Variants in NR5A2 observed in about 807,000 individuals in gnomAD.
NR5A2 encodes CYP7A promoter-binding factor.
In NR5A2, 26 loss-of-function variants were observed where a neutral mutation model predicts 62.7. That is an observed-to-expected ratio of 0.41 (90% CI 0.30 to 0.58). The LOEUF is 0.58. Ranked by LOEUF, NR5A2 falls within the 20% of genes least tolerant of loss-of-function variation. The probability of loss-of-function intolerance (pLI) is 0.22; values close to 1 mark genes in which losing one functional copy is unlikely to be tolerated. For missense variants in NR5A2, 541 were observed against 669.1 expected (o/e 0.81, Z 2.11); for synonymous variants, 246 against 241.7 (o/e 1.02, Z -0.16).
chr1:200,063,231 G>A (rs1480239163), intron 5 of NR5A2, among the ~76,000 whole-genome samples: 3 of 151,976 alleles, frequency 2.0e-5, no homozygotes, highest in African/African-American at 7.3e-5. Flanking sequence ...TCACCATGTT[G>A]GTCAGGCTGG....
chr1:200,155,680 ATT>A (rs199968182), intron 7 of NR5A2, among the ~76,000 whole-genome samples: 1 of 146,378 alleles, frequency 6.8e-6, no homozygotes, highest in Non-Finnish European at 1.5e-5. Context: ...TAATAAAAAA[ATT>A]TTTTTTTTTT....
At chr1:200,063,174 C>G (rs1475405432) in intron 5 of NR5A2, among the ~76,000 whole-genome samples, 2 of 151,876 alleles carry the variant, frequency 1.3e-5, no homozygotes, top group African/African-American at 2.4e-5. Flanking sequence ...CAGGCGCATG[C>G]CACCACACCC....
Position 200,039,659 on chromosome 1 carries a change from T to G in NR5A2, c.66T>G (p.Gly22=), listed in dbSNP as rs1661962205. 3.1e-6 allele frequency: 5 copies of G among 1,611,180 alleles called. No individual in the cohort carries two copies. In the South Asian group the frequency reaches 5.5e-5, roughly 18 times the overall value. Residue 22 remains glycine, a splice_region_variant and synonymous_variant, in exon 2 of 8, where the codon GGT becomes GGG. Coordinates refer to ENST00000367362, the MANE Select transcript of NR5A2 (RefSeq NM_205860.3). This position sits in a 1 kb window ranked among gnomAD's most constrained non-coding sequence, Gnocchi z 5.1. Reference sequence around the variant, plus strand: ...TGAATCTGTGCTGCCCGTGTCCAGGTGCTGGGCTTCCGGACCGACACGGAT... The same window carrying G: ...TGAATCTGTGCTGCCCGTGTCCAGGGGCTGGGCTTCCGGACCGACACGGAT... ...ESLKHGLTPI[G]AGLPDRHGSP...
intron 7 of NR5A2, among the ~76,000 whole-genome samples, chr1:200,140,860 G>C (rs1366703995): frequency 6.6e-6 from 1 of 152,092 alleles, no homozygotes; most frequent in African/African-American, 2.4e-5. Context: ...CAGAAACCCA[G>C]TCTTTACTAA....
chr1:200,050,394 C>T (rs1448169333), intron 5 of NR5A2, among the ~76,000 whole-genome samples: 3 of 152,118 alleles, frequency 2.0e-5, no homozygotes, highest in African/African-American at 7.2e-5. Context: ...TCTTCATAGG[C>T]AGGTTGTTAG....
intron 5 of NR5A2, among the ~76,000 whole-genome samples, chr1:200,092,727 A>G (rs550522199): frequency 6.6e-6 from 1 of 152,216 alleles, no homozygotes; most frequent in East Asian, 1.9e-4. Context: ...TTTAAAATAA[A>G]TAAGTTGCTT....
intron 1 of NR5A2, chr1:200,038,592 C>T: frequency 1.4e-6 from 1 of 698,392 alleles, no homozygotes; most frequent in Non-Finnish European, 2.3e-6. Context: ...AAATTTTCTC[C>T]TTTCAATGGT....
chr1:200,033,090 A>T (rs116557817), intron 1 of NR5A2, among the ~76,000 whole-genome samples: 1 of 152,296 alleles, frequency 6.6e-6, no homozygotes, highest in African/African-American at 2.4e-5. Context: ...CACATCTGGG[A>T]GGACTGAGGT....
chr1:200,148,504 A>G (rs1667828747), intron 7 of NR5A2, among the ~76,000 whole-genome samples: 1 of 152,076 alleles, frequency 6.6e-6, no homozygotes, highest in South Asian at 2.1e-4. Context: ...TCCCCCCAAT[A>G]ATCTCACAAA....
chr1:200,031,470 G>A (rs904748534), intron 1 of NR5A2, among the ~76,000 whole-genome samples: 2 of 151,606 alleles, frequency 1.3e-5, no homozygotes, highest in African/African-American at 4.9e-5. Context: ...TGCTGTGATT[G>A]TGCCATTGAA....
At chr1:200,106,238 T>C (rs1284392364) in intron 5 of NR5A2, among the ~76,000 whole-genome samples, 2 of 152,090 alleles carry the variant, frequency 1.3e-5, no homozygotes, top group Non-Finnish European at 2.9e-5. Flanking sequence ...TTTGTATTTT[T>C]AGTAGAGACG....
intron 5 of NR5A2, among the ~76,000 whole-genome samples, chr1:200,065,759 A>G (rs571313656): frequency 6.6e-6 from 1 of 152,352 alleles, no homozygotes; most frequent in African/African-American, 2.4e-5. Context: ...GGTTCAGAGA[A>G]GACCAATGTG....
intron 7 of NR5A2, among the ~76,000 whole-genome samples, chr1:200,135,815 T>C (rs1447026131): frequency 6.6e-6 from 1 of 152,196 alleles, no homozygotes; most frequent in African/African-American, 2.4e-5. Context: ...TAAGTGATTA[T>C]TACTCAAAAC....
intron 5 of NR5A2, among the ~76,000 whole-genome samples, chr1:200,055,893 T>G (rs1468916348): frequency 6.6e-6 from 1 of 152,178 alleles, no homozygotes; most frequent in Non-Finnish European, 1.5e-5. Context: ...TGCATAGGTT[T>G]ACAAGGAAAT....
chr1:200,091,484 C>CTTT (rs35491701), intron 5 of NR5A2, among the ~76,000 whole-genome samples: 31 of 126,516 alleles, frequency 2.5e-4, no homozygotes, highest in South Asian at 5.2e-4. Context: ...TGCTCTCTTT[C>CTTT]TTTTTTTTTT....
rs118045403 is a variant in NR5A2 at position 200,039,083 on chromosome 1, A to G, written c.65-575A>G. 1.9e-3 allele frequency among the ~76,000 whole-genome samples: 286 copies of G among 151,826 alleles called. 6 individuals carry two copies. The East Asian group carries it at 0.037, about 20-fold the overall frequency. On this transcript the variant is annotated intron_variant, in intron 1 of 7. Transcript: ENST00000367362. This position sits in a 1 kb window ranked among gnomAD's most constrained non-coding sequence, Gnocchi z 5.1. ...GTTCTCGGTCCCGCGCGGGGAGTGG[A>G]CCAGGCAGGAGAGGGAGGTTGGAAC...
chr1:200,061,275 CT>C lies in NR5A2; in HGVS notation c.1110+12476del, dbSNP rs35232000. Among the ~76,000 whole-genome samples, 391 of 122,830 alleles carry C rather than the reference CT, an allele frequency of 3.2e-3. 1 individual carries two copies. The highest frequency in any genetic ancestry group is 9.5e-3 in the East Asian group (42 of 4,406). 80.6% of individuals were successfully genotyped at this position (122,830 alleles called of 152,430 possible). ...CAGAGTGCACAACATTCGGGATTAA[CT>C]TTTTTTTTTTTTTTTTTTGGAGACA... On this transcript the variant is annotated intron_variant, in intron 5 of 7. Transcript: ENST00000367362.
At chr1:200,058,623 C>G (rs1663038809) in intron 5 of NR5A2, among the ~76,000 whole-genome samples, 1 of 151,524 alleles carries the variant, frequency 6.6e-6, no homozygotes, top group Non-Finnish European at 1.5e-5. Flanking sequence ...TGAGATCAGG[C>G]ACACGCCACC....
intron 5 of NR5A2, among the ~76,000 whole-genome samples, chr1:200,083,546 G>T (rs561144087): frequency 3.6e-4 from 55 of 152,180 alleles, no homozygotes; most frequent in Admixed American, 1.7e-3. Flanking sequence ...ATAATGAAAG[G>T]CTTCGCCATG....
Sources: allele counts gnomAD v4.1 joint callset (sites outside exome capture counted in the v4.1 genomes callset), GRCh38; gene constraint gnomAD v4.1.1; non-coding constraint Gnocchi (gnomAD v3.1); transcripts MANE v1.5; gene names NCBI Gene and HGNC (gene_info 2026-07-23, HGNC 2026-07-21).